Variants in ENTREP2 observed in about 807,000 individuals in gnomAD.
ENTREP2 encodes the protein endosomal transmembrane epsin interactor 2, also known as protein ENTREP2.
chr15:29,497,642 C>T, the ENTREP2 span, among the ~76,000 whole-genome samples: 1 of 151,994 alleles, frequency 6.6e-6, no homozygotes, highest in Non-Finnish European at 1.5e-5. Context: ...AATGTCTTCC[C>T]TTTCATTTCT....
the ENTREP2 span, among the ~76,000 whole-genome samples, chr15:29,368,091 A>C: frequency 6.6e-6 from 1 of 151,694 alleles, no homozygotes; most frequent in Non-Finnish European, 1.5e-5. Flanking sequence ...GGGAGGCTGA[A>C]GTGGGGAGAT....
chr15:29,243,488 A>G, the ENTREP2 span, among the ~76,000 whole-genome samples: 24 of 152,204 alleles, frequency 1.6e-4, no homozygotes, highest in African/African-American at 5.1e-4. Flanking sequence ...AACAATGCCA[A>G]TCTATACAGT....
At chr15:29,155,728 G>A in the ENTREP2 span, among the ~76,000 whole-genome samples, 1 of 152,130 alleles carries the variant, frequency 6.6e-6, no homozygotes, top group Non-Finnish European at 1.5e-5. Context: ...CAGTAAGCTG[G>A]GGCAATCGTA....
the ENTREP2 span, among the ~76,000 whole-genome samples, chr15:29,259,100 G>A: frequency 6.6e-6 from 1 of 152,142 alleles, no homozygotes; most frequent in South Asian, 2.1e-4. Flanking sequence ...TGGCATTCAA[G>A]GAAATCTCCA....
the ENTREP2 span, among the ~76,000 whole-genome samples, chr15:29,475,545 A>G: frequency 6.6e-6 from 1 of 152,048 alleles, no homozygotes; most frequent in African/African-American, 2.4e-5. Context: ...AACACAACCC[A>G]GTGGGCAAGA....
At chr15:29,223,858 A>C in the ENTREP2 span, among the ~76,000 whole-genome samples, 944 of 152,296 alleles carry the variant, frequency 6.2e-3, 12 homozygotes, top group African/African-American at 0.021. Flanking sequence ...CACTCTCTGG[A>C]GAGGGCTCAG....
chr15:29,259,884 T>C, the ENTREP2 span, among the ~76,000 whole-genome samples: 1 of 151,912 alleles, frequency 6.6e-6, no homozygotes, highest in Non-Finnish European at 1.5e-5. Context: ...GAAACCTCTG[T>C]ACAAATTGAA....
the ENTREP2 span, among the ~76,000 whole-genome samples, chr15:29,656,022 T>TAAAAA: frequency 2.8e-3 from 280 of 100,344 alleles, 1 homozygote; most frequent in African/African-American, 9.5e-3. Flanking sequence ...ACACTCCGTT[T>TAAAAA]AAAAAAAAAA....
the ENTREP2 span, among the ~76,000 whole-genome samples, chr15:29,495,442 G>T: frequency 7.8e-4 from 119 of 152,160 alleles, 1 homozygote; most frequent in African/African-American, 2.6e-3. Context: ...TCTGTTTTTG[G>T]TGTAATATTC....
At chr15:29,396,222 T>A in the ENTREP2 span, among the ~76,000 whole-genome samples, 1 of 152,208 alleles carries the variant, frequency 6.6e-6, no homozygotes, top group African/African-American at 2.4e-5. Context: ...ATTTCTTTTA[T>A]AACTGAAAGT....
the ENTREP2 span, among the ~76,000 whole-genome samples, chr15:29,624,893 G>GTGTGTC: frequency 7.9e-5 from 12 of 151,712 alleles, no homozygotes; most frequent in African/African-American, 2.9e-4. Flanking sequence ...GTGTGTGTGT[G>GTGTGTC]TGTGTGTGTG....
At chr15:29,481,801 C>T in the ENTREP2 span, among the ~76,000 whole-genome samples, 9 of 152,032 alleles carry the variant, frequency 5.9e-5, no homozygotes, top group East Asian at 3.9e-4. Context: ...CACGAATAAG[C>T]GGATCCTGCC....
chr15:29,552,981 T>C, the ENTREP2 span, among the ~76,000 whole-genome samples: 1 of 152,198 alleles, frequency 6.6e-6, no homozygotes, highest in Non-Finnish European at 1.5e-5. Flanking sequence ...TAGCACCATG[T>C]GCTTGGATTG....
chr15:29,409,641 T>G, the ENTREP2 span, among the ~76,000 whole-genome samples: 1 of 151,950 alleles, frequency 6.6e-6, no homozygotes, highest in Non-Finnish European at 1.5e-5. Flanking sequence ...TCTTTTTTTT[T>G]TTTTAAAGAC....
the ENTREP2 span, among the ~76,000 whole-genome samples, chr15:29,639,188 C>T: frequency 6.6e-5 from 10 of 152,288 alleles, no homozygotes; most frequent in Non-Finnish European, 1.3e-4. Flanking sequence ...AAATTTCTGC[C>T]TATTCCATTT....
At chr15:29,473,618 T>C in the ENTREP2 span, among the ~76,000 whole-genome samples, 2 of 152,320 alleles carry the variant, frequency 1.3e-5, no homozygotes, top group Admixed American at 1.3e-4. Flanking sequence ...AACAAAAAGA[T>C]AGACTTCAGT....
At chr15:29,264,712 T>G in the ENTREP2 span, among the ~76,000 whole-genome samples, 1 of 152,170 alleles carries the variant, frequency 6.6e-6, no homozygotes, top group Non-Finnish European at 1.5e-5. Flanking sequence ...GAAACATAAC[T>G]AAATAGTTCA....
At chr15:29,137,558 G>A in the ENTREP2 span, among the ~76,000 whole-genome samples, 4 of 152,194 alleles carry the variant, frequency 2.6e-5, 1 homozygote, top group South Asian at 8.3e-4. Context: ...ACTTCGGCTG[G>A]GTGTGGTGGC....
chr15:29,670,059 G>A, the ENTREP2 span, among the ~76,000 whole-genome samples: 24 of 152,304 alleles, frequency 1.6e-4, no homozygotes, highest in Non-Finnish European at 2.2e-4. Context: ...TGTCAAGCAA[G>A]TTTATCGCAT....
Sources: allele counts gnomAD v4.1 joint callset (sites outside exome capture counted in the v4.1 genomes callset), GRCh38; gene constraint gnomAD v4.1.1; transcripts MANE v1.5; gene names NCBI Gene and HGNC (gene_info 2026-07-23, HGNC 2026-07-21).